Variants in AP2B1 observed in about 807,000 individuals in gnomAD.
The protein encoded by AP2B1 is adaptor related protein complex 2 subunit beta 1.
Under a neutral mutation model 102.0 loss-of-function variants are expected in AP2B1, and 23 were observed. The ratio of observed to expected loss-of-function variants is 0.23; its 90% CI spans 0.16 to 0.32. The LOEUF (loss-of-function observed/expected upper bound fraction) is 0.32. AP2B1 is among the 10% of genes least tolerant of loss of function. The pLI, the probability that AP2B1 is intolerant of heterozygous loss-of-function variation, is 1.00. For missense variants in AP2B1, 541 were observed against 1,157.4 expected (o/e 0.47, Z 7.73); for synonymous variants, 381 against 421.2 (o/e 0.90, Z 1.17).
chr17:35,685,762 A>G (rs2075916994), intron 18 of AP2B1, among the ~76,000 whole-genome samples: 1 of 152,034 alleles, frequency 6.6e-6, no homozygotes, highest in African/African-American at 2.4e-5. Flanking sequence ...GATACCATTC[A>G]TTCTTTTTTT....
intron 5 of AP2B1, 77 bp from the exon 6 acceptor site, chr17:35,624,320 C>T: frequency 7.5e-7 from 1 of 1,335,830 alleles, no homozygotes; most frequent in South Asian, 1.3e-5. Flanking sequence ...TGAAATGACC[C>T]AGAGAAGGCT....
At chr17:35,595,207 A>G (rs1402997935) in intron 2 of AP2B1, among the ~76,000 whole-genome samples, 2 of 152,078 alleles carry the variant, frequency 1.3e-5, no homozygotes, top group Non-Finnish European at 2.9e-5. Context: ...CCTCAGCCTG[A>G]TTTCAGTTGT....
intron 3 of AP2B1, among the ~76,000 whole-genome samples, chr17:35,604,900 T>A (rs1456360144): frequency 6.6e-6 from 1 of 152,220 alleles, no homozygotes; most frequent in East Asian, 1.9e-4. Context: ...AGAGACCTTG[T>A]TGAGAACAGC....
intron 10 of AP2B1, among the ~76,000 whole-genome samples, chr17:35,639,165 A>G (rs2074696150): frequency 6.6e-6 from 1 of 152,088 alleles, no homozygotes; most frequent in African/African-American, 2.4e-5. Context: ...CCCCATCTCT[A>G]CAAAAAAATT....
At chr17:35,670,528 C>T (rs918869557) in intron 14 of AP2B1, among the ~76,000 whole-genome samples, 4 of 151,988 alleles carry the variant, frequency 2.6e-5, no homozygotes, top group Non-Finnish European at 4.4e-5. Flanking sequence ...GGGGATAGAG[C>T]GTCTTAGAAT....
chr17:35,665,384 C>T (rs187301403), intron 14 of AP2B1, among the ~76,000 whole-genome samples: 3 of 152,190 alleles, frequency 2.0e-5, no homozygotes, highest in Admixed American at 6.5e-5. Flanking sequence ...CCTCAGCTTC[C>T]GTAAGGGCTG....
intron 20 of AP2B1, chr17:35,713,926 G>C (rs1251309686): frequency 1.3e-5 from 2 of 152,170 alleles, no homozygotes; most frequent in Non-Finnish European, 2.9e-5. Flanking sequence ...AGATCTGTAT[G>C]AATCTGTTTT....
At chr17:35,718,936 G>A (rs782324887) in intron 21 of AP2B1, among the ~76,000 whole-genome samples, 4 of 152,098 alleles carry the variant, frequency 2.6e-5, no homozygotes, top group Non-Finnish European at 5.9e-5. Context: ...TTGTTGGTAG[G>A]TGAATTTTGT....
chr17:35,726,054 C>T lies in AP2B1; in HGVS notation c.*2355C>T, dbSNP rs587689751. 9.2e-5 allele frequency: 14 copies of T among 152,338 alleles called. No homozygotes were observed. The highest frequency in any genetic ancestry group is 3.4e-4 in the African/African-American group (14 of 41,570). The allele number at this position is 152,338 out of a possible 1,614,324, so 9.4% of individuals were successfully genotyped here. A position where few individuals can be genotyped will look rare whatever the true frequency, so the allele number is the denominator to read the frequency against. Reference sequence around the variant, plus strand: ...CTCCACCACGGCTTCCCTCTTGGCTCATTCCAAGCTTGGCCAAATTGGGGA... The same window carrying T: ...CTCCACCACGGCTTCCCTCTTGGCTTATTCCAAGCTTGGCCAAATTGGGGA... On this transcript the variant is annotated 3_prime_UTR_variant, in exon 22 of 22. Coordinates refer to ENST00000610402, the MANE Select transcript of AP2B1 (RefSeq NM_001030006.2).
intron 5 of AP2B1, among the ~76,000 whole-genome samples, chr17:35,623,905 G>A (rs1179899011): frequency 6.6e-6 from 1 of 152,126 alleles, no homozygotes; most frequent in Non-Finnish European, 1.5e-5. Context: ...GTATACTAGT[G>A]AACTAGGGTC....
intron 18 of AP2B1, among the ~76,000 whole-genome samples, chr17:35,685,506 T>A (rs924692095): frequency 9.9e-5 from 15 of 152,214 alleles, no homozygotes; most frequent in African/African-American, 3.6e-4. Flanking sequence ...AAAATTAGTA[T>A]TTTTCTAGTA....
At chr17:35,671,614 C>A in intron 15 of AP2B1, 140 bp from the exon 16 acceptor site, 1 of 828,756 alleles carries the variant, frequency 1.2e-6, no homozygotes, top group Non-Finnish European at 1.9e-6. Context: ...GAAGAATATA[C>A]TAATTTGACT....
chr17:35,675,311 C>T (rs1000845030), intron 17 of AP2B1, among the ~76,000 whole-genome samples: 1 of 152,102 alleles, frequency 6.6e-6, no homozygotes, highest in Admixed American at 6.5e-5. Context: ...GTAATTGGAC[C>T]CTTAAAGCAG....
chr17:35,638,236 T>G (rs1375777895), intron 10 of AP2B1, among the ~76,000 whole-genome samples: 1 of 152,194 alleles, frequency 6.6e-6, no homozygotes, highest in East Asian at 1.9e-4. Context: ...TAGGACGGTT[T>G]ATGTTTAAGA....
chr17:35,629,099 C>T (rs2074394741), intron 9 of AP2B1, among the ~76,000 whole-genome samples: 2 of 152,188 alleles, frequency 1.3e-5, no homozygotes, highest in African/African-American at 4.8e-5. Context: ...CAGGCATACG[C>T]TACCACACCT....
chr17:35,653,564 C>T (rs1321814477), intron 13 of AP2B1, among the ~76,000 whole-genome samples: 1 of 152,210 alleles, frequency 6.6e-6, no homozygotes, highest in African/African-American at 2.4e-5. Flanking sequence ...ACCTCTGCCT[C>T]CTAGGTTCAA....
At chr17:35,670,964 C>T (rs1352488723) in intron 15 of AP2B1, 66 bp downstream of exon 15, 8 of 1,531,046 alleles carry the variant, frequency 5.2e-6, no homozygotes, top group Non-Finnish European at 7.2e-6. Context: ...TTCCTATGTA[C>T]ACATTATCAG....
rs866310225 is a variant in AP2B1 at position 35,618,218 on chromosome 17, G to A, written c.526-6179G>A. ...ATTGTCTCCTTAAGGAGATAATAAT[G>A]ACTGAAACTCTCAGAACAAATATGT... On this transcript the variant is annotated intron_variant, in intron 5 of 21. Transcript: ENST00000610402. 2.6e-5 allele frequency among the ~76,000 whole-genome samples: 4 copies of A among 152,304 alleles called. No homozygotes were observed. In the Middle Eastern group the frequency reaches 0.014, roughly 518 times the overall value.
chr17:35,653,776 G>A (rs1399780923), intron 13 of AP2B1, among the ~76,000 whole-genome samples: 1 of 151,952 alleles, frequency 6.6e-6, no homozygotes, highest in Non-Finnish European at 1.5e-5. Flanking sequence ...GCGCCCGGCT[G>A]GAATATGAAC....
Sources: gnomAD v4.1 joint callset for allele counts (sites outside exome capture counted in the v4.1 genomes callset) on GRCh38, gnomAD v4.1.1 for gene constraint, MANE v1.5 for transcripts, NCBI Gene and HGNC (gene_info 2026-07-23, HGNC 2026-07-21) for gene names.